TACC2: variants seen among roughly 807,000 people sequenced by gnomAD.
The protein encoded by TACC2 is transforming acidic coiled-coil containing protein 2, also known as transforming acidic coiled-coil-containing protein 2.
A neutral mutation model predicts 227.3 loss-of-function variants in TACC2; 137 were observed. The ratio of observed to expected loss-of-function variants is 0.60; its 90% confidence interval spans 0.52 to 0.69. The LOEUF (loss-of-function observed/expected upper bound fraction) is 0.69, where lower values mean the gene tolerates loss of function less well. Ranked by LOEUF, TACC2 falls within the 30% of genes least tolerant of loss-of-function variation. The probability of loss-of-function intolerance (pLI) is 0.00; values close to 1 mark genes in which losing one functional copy is unlikely to be tolerated. For synonymous variants in TACC2, 1,523 were observed against 1,487.5 expected, an observed-to-expected ratio of 1.02 and a Z score of -0.55; for missense variants, 3,470 against 3,694.4, an observed-to-expected ratio of 0.94 and a Z score of 1.57.
chr10:122,037,850 G>T (rs1960901829), intron 2 of TACC2, among the ~76,000 whole-genome samples: 6 of 152,214 alleles, frequency 3.9e-5, no homozygotes, highest in Admixed American at 3.9e-4. Context: ...GAGGTCCTGG[G>T]ATAATAGAGA....
At chr10:122,238,301 C>T (rs1312637676) in intron 18 of TACC2, among the ~76,000 whole-genome samples, 1 of 152,192 alleles carries the variant, frequency 6.6e-6, no homozygotes, top group Non-Finnish European at 1.5e-5. Context: ...TTCCACAACT[C>T]GCAGGTGACT....
chr10:122,178,239 CTTTTT>C (rs61083559), intron 7 of TACC2, among the ~76,000 whole-genome samples: 1 of 136,462 alleles, frequency 7.3e-6, no homozygotes, highest in Non-Finnish European at 1.6e-5. Context: ...TTCTTTCTTT[CTTTTT>C]TTTTTTTTTT....
intron 3 of TACC2, among the ~76,000 whole-genome samples, chr10:122,054,275 T>C (rs11200370): frequency 1.3e-5 from 2 of 152,216 alleles, no homozygotes; most frequent in African/African-American, 2.4e-5. Flanking sequence ...GTCTGGGACA[T>C]GCCTCCCTGA....
chr10:122,167,671 A>G (rs1351927334), intron 7 of TACC2, among the ~76,000 whole-genome samples: 1 of 152,156 alleles, frequency 6.6e-6, no homozygotes, highest in Non-Finnish European at 1.5e-5. Flanking sequence ...AGAAAATCCG[A>G]TGACTCTGAT....
intron 1 of TACC2, among the ~76,000 whole-genome samples, chr10:122,013,017 C>T (rs1956139819): frequency 6.6e-6 from 1 of 152,150 alleles, no homozygotes. Context: ...AGAAATGGGG[C>T]TTGCAGAGTC....
chr10:122,001,772 A>C (rs972098040), intron 1 of TACC2, among the ~76,000 whole-genome samples: 2 of 152,082 alleles, frequency 1.3e-5, no homozygotes, highest in Non-Finnish European at 2.9e-5. Flanking sequence ...ATTTCCCCCC[A>C]GAGTTTCCAT....
chr10:122,066,535 G>A (rs2077411196), intron 3 of TACC2, among the ~76,000 whole-genome samples: 1 of 152,154 alleles, frequency 6.6e-6, no homozygotes, highest in Admixed American at 6.5e-5. Flanking sequence ...CCGAAGTGCT[G>A]GGATTAGAGG....
intron 1 of TACC2, among the ~76,000 whole-genome samples, chr10:122,008,973 A>G (rs547292997): frequency 1.3e-5 from 2 of 152,324 alleles, no homozygotes; most frequent in South Asian, 2.1e-4. Flanking sequence ...ATGTTTGGGT[A>G]TACTTAATCA....
At chr10:122,145,191 C>T (rs938029881) in intron 7 of TACC2, among the ~76,000 whole-genome samples, 3 of 152,140 alleles carry the variant, frequency 2.0e-5, no homozygotes, top group African/African-American at 4.8e-5. Flanking sequence ...TACCTATGAA[C>T]GATGAAAATA....
chr10:122,020,431 C>T (rs1359551894), intron 1 of TACC2, among the ~76,000 whole-genome samples: 2 of 152,078 alleles, frequency 1.3e-5, no homozygotes, highest in African/African-American at 4.8e-5. Flanking sequence ...TGACGTCACT[C>T]AGTTTTCTTA....
At chr10:122,146,530 A>G (rs1211859826) in intron 7 of TACC2, among the ~76,000 whole-genome samples, 1 of 151,990 alleles carries the variant, frequency 6.6e-6, no homozygotes, top group African/African-American at 2.4e-5. Context: ...TGGTGGCTTT[A>G]TAAGAAGAGG....
At chr10:122,042,224 C>T (rs938352927) in intron 2 of TACC2, among the ~76,000 whole-genome samples, 16 of 151,800 alleles carry the variant, frequency 1.1e-4, no homozygotes, top group Non-Finnish European at 1.6e-4. Context: ...GGATTACAGG[C>T]GTAAGCCACT....
intron 1 of TACC2, among the ~76,000 whole-genome samples, chr10:122,021,211 A>C (rs1013668217): frequency 1.3e-5 from 2 of 148,846 alleles, no homozygotes; most frequent in African/African-American, 5.0e-5. Context: ...CCTGGGCGAC[A>C]GAGTGAGACT....
At chr10:122,045,174 A>G (rs1473210855) in intron 2 of TACC2, among the ~76,000 whole-genome samples, 1 of 152,232 alleles carries the variant, frequency 6.6e-6, no homozygotes, top group Non-Finnish European at 1.5e-5. Context: ...CATACATTCA[A>G]CAAATATTTA....
chr10:122,194,696 A>G lies in TACC2; in HGVS notation c.5835-344A>G, dbSNP rs2094509587. Among the ~76,000 whole-genome samples the G allele has an allele frequency of 6.6e-6, 1 of 152,228 alleles. No individual in the cohort carries two copies. The highest frequency in any genetic ancestry group is 1.5e-5 in the Non-Finnish European group (1 of 68,040). ...GTGAGTTGGCACAATGGCATCGAAC[A>G]TGCAGAATGCCTCTCTCTCTCTATT... On this transcript the variant is annotated intron_variant, in intron 7 of 22. Transcript: ENST00000369005. The surrounding 1 kb of genome is among the most constrained non-coding windows in gnomAD (Gnocchi z 4.4).
Position 122,120,662 on chromosome 10 carries a change from T to A in TACC2, c.5574-11947T>A, listed in dbSNP as rs527484494. The stretch of plus-strand genomic sequence containing the variant: ...GGAGAGGGACTTTCTGCTGTCACAT[T>A]GCTCACAGTGATGAAGGGCCTGCAT... On this transcript the variant is annotated intron_variant, in intron 5 of 22. Coordinates refer to ENST00000369005, the MANE Select transcript of TACC2 (RefSeq NM_206862.4). Among the ~76,000 whole-genome samples the A allele has an allele frequency of 1.6e-4, 25 of 152,298 alleles. No individual in the cohort carries two copies. The South Asian group carries it at 3.9e-3, about 24-fold the overall frequency.
In TACC2 at chr10:122,084,363, T is replaced by C. The variant is rs2079863396; in HGVS notation, c.1863T>C (p.Asp621=). The C allele has an allele frequency of 6.2e-7, 1 of 1,613,526 alleles. No homozygotes were observed. The highest frequency in any genetic ancestry group is 8.5e-7 in the Non-Finnish European group (1 of 1,180,032). ...GKDELSKPSS[D]AESRDHPSSH... ...ATGAGCTTTCAAAGCCAAGCAGTGA[T>C]GCAGAGAGCAGAGACCATCCCAGCT... The change falls in exon 4 of 23, where the codon GAT becomes GAC. Residue 621 remains aspartate (D), a synonymous_variant. Coordinates refer to ENST00000369005, the MANE Select transcript of TACC2 (RefSeq NM_206862.4).
intron 3 of TACC2, among the ~76,000 whole-genome samples, chr10:122,069,141 G>A (rs189155939): frequency 3.5e-5 from 5 of 143,196 alleles, no homozygotes; most frequent in African/African-American, 5.2e-5. Context: ...AAGTCAGGGC[G>A]ACTGTTGGGC....
At chr10:122,111,808 C>T (rs189735389) in intron 5 of TACC2, among the ~76,000 whole-genome samples, 84 of 152,276 alleles carry the variant, frequency 5.5e-4, no homozygotes, top group African/African-American at 1.9e-3. Flanking sequence ...TTTCCATTCT[C>T]TCTTCACCGA....
Sources: gnomAD v4.1 joint callset for allele counts (sites outside exome capture counted in the v4.1 genomes callset) on GRCh38, gnomAD v4.1.1 for gene constraint, Gnocchi (gnomAD v3.1) non-coding constraint, MANE v1.5 for transcripts, NCBI Gene and HGNC (gene_info 2026-07-23, HGNC 2026-07-21) for gene names.